The following SLC4A10 variants were observed in gnomAD, a reference collection of about 807,000 sequenced individuals.
The protein encoded by SLC4A10 is sodium-driven chloride bicarbonate exchanger.
SLC4A10 carries 42 observed loss-of-function variants against 137.7 expected under a neutral mutation model. That is an observed-to-expected ratio of 0.30 (90% CI 0.24 to 0.39). The LOEUF (loss-of-function observed/expected upper bound fraction) is 0.39. Among genes scored for constraint, SLC4A10 ranks in the 10% least tolerant of loss-of-function variants. The pLI is 1.00. For synonymous variants in SLC4A10, 474 were observed against 464.1 expected, an observed-to-expected ratio of 1.02 and a Z score of -0.27; for missense variants, 925 against 1,355.0, an observed-to-expected ratio of 0.68 and a Z score of 4.98.
At chr2:161,659,710 G>A (rs770770109) in intron 1 of SLC4A10, among the ~76,000 whole-genome samples, 2 of 152,068 alleles carry the variant, frequency 1.3e-5, no homozygotes, top group Admixed American at 1.3e-4. Flanking sequence ...GTAGAAGAAT[G>A]TTCATAAGAA....
At chr2:161,905,519 C>T in intron 14 of SLC4A10, 123 bp from the exon 15 acceptor site, 1 of 1,349,438 alleles carries the variant, frequency 7.4e-7, no homozygotes, top group Non-Finnish European at 1.0e-6. Context: ...AGTTTAGATA[C>T]TCATGGGATG....
intron 15 of SLC4A10, among the ~76,000 whole-genome samples, chr2:161,933,144 C>CT (rs1553631282): frequency 1.2e-3 from 8 of 6,608 alleles, no homozygotes; most frequent in African/African-American, 3.7e-3. Context: ...TCTTTCTTTT[C>CT]TTCTTTCTTT....
intron 1 of SLC4A10, among the ~76,000 whole-genome samples, chr2:161,642,652 TG>T (rs1482395510): frequency 3.3e-5 from 5 of 151,976 alleles, no homozygotes; most frequent in African/African-American, 1.2e-4. Context: ...AGAATGGAAG[TG>T]GTAATGAAGT....
chr2:161,817,963 G>A lies in SLC4A10; in HGVS notation c.277+13368G>A, dbSNP rs544901347. On this transcript the variant is annotated intron_variant, in intron 3 of 26. Coordinates refer to ENST00000446997, the MANE Select transcript of SLC4A10 (RefSeq NM_001178015.2). ...GCTTAGGATTGACTTGGTGATGTGGGTTCTTTTTTGGTTCCATATGAACTT... is the reference window on the plus strand; with the variant it reads ...GCTTAGGATTGACTTGGTGATGTGGATTCTTTTTTGGTTCCATATGAACTT... Among the ~76,000 whole-genome samples the A allele has an allele frequency of 1.8e-4, 26 of 145,050 alleles. 1 individual carries two copies. The highest frequency in any genetic ancestry group is 6.6e-4 in the African/African-American group (26 of 39,532).
intron 4 of SLC4A10, among the ~76,000 whole-genome samples, chr2:161,849,580 T>C (rs1208675767): frequency 2.0e-5 from 3 of 152,210 alleles, no homozygotes; most frequent in African/African-American, 7.2e-5. Flanking sequence ...ACACCTTCAA[T>C]GCCTAGTTTT....
chr2:161,658,391 T>A (rs1416367577), intron 1 of SLC4A10, among the ~76,000 whole-genome samples: 2 of 152,168 alleles, frequency 1.3e-5, no homozygotes. Flanking sequence ...CTTGAAAAGT[T>A]CTTGGTTTTG....
At chr2:161,967,467 C>T (rs1018477143) in intron 23 of SLC4A10, among the ~76,000 whole-genome samples, 1 of 152,068 alleles carries the variant, frequency 6.6e-6, no homozygotes, top group Admixed American at 6.5e-5. Flanking sequence ...TGTACGACAA[C>T]AATTTGGTAT....
intron 11 of SLC4A10, among the ~76,000 whole-genome samples, chr2:161,898,654 A>G (rs1300463677): frequency 6.6e-6 from 1 of 152,132 alleles, no homozygotes; most frequent in Non-Finnish European, 1.5e-5. Flanking sequence ...GAAAATGTTC[A>G]TTAGAACTTT....
chr2:161,942,698 T>C (rs770486919), intron 15 of SLC4A10, 94 bp from the exon 16 acceptor site: 2 of 893,168 alleles, frequency 2.2e-6, no homozygotes, highest in Non-Finnish European at 3.6e-6. Flanking sequence ...AGAGGAATGC[T>C]GTGACTGGAG....
intron 9 of SLC4A10, among the ~76,000 whole-genome samples, chr2:161,880,764 A>G (rs2061714592): frequency 6.6e-6 from 1 of 152,100 alleles, no homozygotes; most frequent in African/African-American, 2.4e-5. Context: ...GCAGTTTAAA[A>G]TTTCTTTTCA....
rs535747255 is a variant in SLC4A10 at position 161,766,675 on chromosome 2, T to G, written c.49-4298T>G. ...TTGTAAATATATCAATAACAGAGTC[T>G]TAATAGGCTTCAACTTGTATTTCTC... is the stretch of plus-strand genomic sequence containing the variant. On this transcript the variant is annotated intron_variant, in intron 1 of 26. Coordinates refer to ENST00000446997, the MANE Select transcript of SLC4A10 (RefSeq NM_001178015.2). 7.9e-5 allele frequency among the ~76,000 whole-genome samples: 12 copies of G among 152,212 alleles called. No homozygotes were observed. In the East Asian group the frequency reaches 2.3e-3, roughly 29 times the overall value.
chr2:161,930,069 C>A (rs894163169), intron 15 of SLC4A10, among the ~76,000 whole-genome samples: 3 of 152,228 alleles, frequency 2.0e-5, no homozygotes, highest in Admixed American at 1.3e-4. Flanking sequence ...AATATACATA[C>A]CTTTTAGGAC....
chr2:161,957,643 A>T (rs188832591), intron 20 of SLC4A10, among the ~76,000 whole-genome samples: 1 of 152,142 alleles, frequency 6.6e-6, no homozygotes, highest in Non-Finnish European at 1.5e-5. Context: ...TTAATAAGAG[A>T]TAGAGGTGAA....
At chr2:161,800,277 G>A (rs1343774672) in intron 2 of SLC4A10, among the ~76,000 whole-genome samples, 2 of 152,004 alleles carry the variant, frequency 1.3e-5, no homozygotes, top group Non-Finnish European at 2.9e-5. Context: ...GTGGCTATTA[G>A]CTTGTTTCCA....
At chr2:161,672,289 C>T (rs896786432) in intron 1 of SLC4A10, among the ~76,000 whole-genome samples, 1 of 152,044 alleles carries the variant, frequency 6.6e-6, no homozygotes, top group African/African-American at 2.4e-5. Context: ...TTTTCTTCTT[C>T]ATGCATTTTT....
intron 2 of SLC4A10, among the ~76,000 whole-genome samples, chr2:161,793,870 A>T (rs1205622360): frequency 6.6e-6 from 1 of 152,126 alleles, no homozygotes; most frequent in Non-Finnish European, 1.5e-5. Context: ...ATTGTATAAG[A>T]TTATGCATGT....
At chr2:161,677,462 C>T (rs557521002) in intron 1 of SLC4A10, among the ~76,000 whole-genome samples, 23 of 152,268 alleles carry the variant, frequency 1.5e-4, no homozygotes, top group African/African-American at 5.1e-4. Context: ...CACCAGAAAA[C>T]TATTACACAT....
intron 1 of SLC4A10, among the ~76,000 whole-genome samples, chr2:161,721,290 A>C (rs1400135603): frequency 6.6e-6 from 1 of 152,170 alleles, no homozygotes; most frequent in Non-Finnish European, 1.5e-5. Flanking sequence ...TGGTCTGTGT[A>C]CTTCAGTGTG....
rs765046291 is a variant in SLC4A10 at position 161,708,577 on chromosome 2, TG to T, written c.49-62392del. On this transcript the variant is annotated intron_variant, in intron 1 of 26. Coordinates refer to ENST00000446997, the MANE Select transcript of SLC4A10 (RefSeq NM_001178015.2). ...ACAACTGTGTCAGTCTCTCTTAGTA[TG>T]GGGTGTTTGTAACTGCACAGGGGAG... 2.8e-4 allele frequency: 292 copies of T among 1,039,340 alleles called. 4 individuals carry two copies. The highest frequency in any genetic ancestry group is 3.7e-5 in the Non-Finnish European group (28 of 752,806). 64.4% of individuals were successfully genotyped at this position (1,039,340 alleles called of 1,614,324 possible).
Sources: allele counts gnomAD v4.1 joint callset (sites outside exome capture counted in the v4.1 genomes callset), GRCh38; gene constraint gnomAD v4.1.1; transcripts MANE v1.5; gene names NCBI Gene and HGNC (gene_info 2026-07-23, HGNC 2026-07-21).